Variants in C4orf50 observed in about 807,000 individuals in gnomAD.
C4orf50 encodes chromosome 4 open reading frame 50, also known as uncharacterized protein C4orf50.
In C4orf50, 80 loss-of-function variants were observed where a neutral mutation model predicts 77.2. The observed-to-expected ratio is 1.04, with a 90% confidence interval of 0.87 to 1.25. The LOEUF (loss-of-function observed/expected upper bound fraction) is 1.25. Among genes scored for constraint, C4orf50 ranks in the 50% most tolerant of loss-of-function variants. The pLI is 0.00. For missense variants in C4orf50, 1,257 were observed against 1,152.9 expected (o/e 1.09, Z -1.31); for synonymous variants, 532 against 465.3 (o/e 1.14, Z -1.84).
At chr4:5,997,752 T>C (rs1721657117) in intron 25 of C4orf50, among the ~76,000 whole-genome samples, 1 of 152,280 alleles carries the variant, frequency 6.6e-6, no homozygotes, top group African/African-American at 2.4e-5. Flanking sequence ...CATTTTCCTA[T>C]GCATAGACAT....
Position 5,936,372 on chromosome 4 carries a change from G to A in C4orf50, c.*2474+20529C>T, listed in dbSNP as rs540957678. On this transcript the variant is annotated intron_variant, in intron 7 of 7. Coordinates refer to the C4orf50 transcript ENST00000324058. ...AAGTCAGGAGTTGGAGACCAGCCTG[G>A]TCAACATGGTGAAACCCTGTCTCTA... Among the ~76,000 whole-genome samples the A allele has an allele frequency of 2.6e-5, 4 of 152,190 alleles. No individual in the cohort carries two copies. The South Asian group carries it at 8.3e-4, about 32-fold the overall frequency.
chr4:5,921,428 G>A (rs546849390), intron 7 of C4orf50, among the ~76,000 whole-genome samples: 1 of 152,350 alleles, frequency 6.6e-6, no homozygotes, highest in Admixed American at 6.5e-5. Flanking sequence ...TGCATATGTA[G>A]ACGGTGGCAC....
chr4:5,947,879 G>A (rs1448187918), intron 7 of C4orf50, among the ~76,000 whole-genome samples: 1 of 152,192 alleles, frequency 6.6e-6, no homozygotes, highest in Non-Finnish European at 1.5e-5. Context: ...AGTGGGAGCT[G>A]TCAGCCCAGC....
At chr4:6,016,721 G>A (rs775710350) in intron 23 of C4orf50, among the ~76,000 whole-genome samples, 3 of 152,086 alleles carry the variant, frequency 2.0e-5, no homozygotes, top group Non-Finnish European at 2.9e-5. Flanking sequence ...GGGTAAGTGC[G>A]TTGCAGAATG....
At position 5,900,540 on chromosome 4, in the gene C4orf50, A is replaced by T. The variant is rs1716300075; in HGVS notation, c.*2475-2352T>A. On this transcript the variant is annotated intron_variant, in intron 7 of 7. Coordinates refer to the C4orf50 transcript ENST00000324058. This position sits in a 1 kb window ranked among gnomAD's most constrained non-coding sequence, Gnocchi z 4.3. ...AAATGAAAGAATTCCTTAAACTAAC[A>T]TCTATCACTAGATGATGCCATATAG... The T allele has an allele frequency of 6.6e-6, 1 of 152,242 alleles. No individual in the cohort carries two copies. Among genetic ancestry groups the T allele is most frequent in the Non-Finnish European group, 1.5e-5 (1 of 68,046 alleles). 9.4% of individuals were successfully genotyped at this position (152,242 alleles called of 1,614,324 possible).
Position 5,900,081 on chromosome 4 carries a change from G to A in C4orf50, c.*2475-1893C>T, listed in dbSNP as rs1716279716. ...AATGTCTCGCACCCTATTCTCAGAA[G>A]TTGGCTGAGTTCTCAGAAGGTTTCA... On this transcript the variant is annotated intron_variant, in intron 7 of 7. Coordinates refer to the C4orf50 transcript ENST00000324058. This position sits in a 1 kb window ranked among gnomAD's most constrained non-coding sequence, Gnocchi z 4.3. 1 of 152,190 alleles carries A rather than the reference G, an allele frequency of 6.6e-6. No homozygotes were observed. Among genetic ancestry groups the A allele is most frequent in the Admixed American group, 6.5e-5 (1 of 15,282 alleles). The allele number at this position is 152,190 out of a possible 1,614,324, so 9.4% of individuals were successfully genotyped here. A position where few individuals can be genotyped will look rare whatever the true frequency, so the allele number is the denominator to read the frequency against.
chr4:5,937,359 A>T (rs971297982), intron 7 of C4orf50, among the ~76,000 whole-genome samples: 3 of 152,196 alleles, frequency 2.0e-5, no homozygotes, highest in African/African-American at 7.2e-5. Flanking sequence ...CAAGCCAAGA[A>T]TGCACTTTGA....
At position 5,967,465 on chromosome 4, in the gene C4orf50, G is replaced by A. The variant is rs757949415; in HGVS notation, c.4105-3C>T. ...TTGACGTCCAGGTGGTGGCTTGTCTGCAAGAAAAGACATCTTGGCGGTTAT... is the reference window on the plus strand; with the variant it reads ...TTGACGTCCAGGTGGTGGCTTGTCTACAAGAAAAGACATCTTGGCGGTTAT... On this transcript the variant is annotated splice_polypyrimidine_tract_variant and splice_region_variant and intron_variant, in intron 31 of 33. Transcript: ENST00000531445. 3.7e-6 allele frequency: 6 copies of A among 1,613,478 alleles called. 1 individual carries two copies. The highest frequency in any genetic ancestry group is 5.1e-6 in the Non-Finnish European group (6 of 1,179,554).
exon 28 of C4orf50, chr4:5,988,734 G>A (rs1205067890): frequency 6.5e-7 from 1 of 1,536,098 alleles, no homozygotes; most frequent in East Asian, 2.4e-5. Flanking sequence ...TCCTCTGCAA[G>A]GTGACTTCCC....
chr4:5,950,775 G>C (rs1376992085), intron 7 of C4orf50, among the ~76,000 whole-genome samples: 2 of 152,156 alleles, frequency 1.3e-5, no homozygotes, highest in African/African-American at 4.8e-5. Flanking sequence ...TCTGTGTGTA[G>C]CCTTTCTCTT....
intron 29 of C4orf50, among the ~76,000 whole-genome samples, chr4:5,977,944 A>C (rs1381603924): frequency 1.3e-5 from 2 of 152,252 alleles, no homozygotes; most frequent in Admixed American, 1.3e-4. Flanking sequence ...TCTATCTAGA[A>C]CATAAAAGGA....
At chr4:6,004,084 T>TG (rs1281297454) in intron 25 of C4orf50, among the ~76,000 whole-genome samples, 1 of 41,330 alleles carries the variant, frequency 2.4e-5, no homozygotes, top group African/African-American at 9.6e-5. Context: ...GATGATGTGA[T>TG]AGTGATGATG....
chr4:5,956,252 C>T (rs1718951456), downstream of C4orf50, among the ~76,000 whole-genome samples: 1 of 152,160 alleles, frequency 6.6e-6, no homozygotes, highest in South Asian at 2.1e-4. Flanking sequence ...GGCTTTTGCT[C>T]ATGATTTCTC....
chr4:5,922,536 C>T (rs909726747), intron 7 of C4orf50, among the ~76,000 whole-genome samples: 2 of 152,092 alleles, frequency 1.3e-5, no homozygotes, highest in African/African-American at 4.8e-5. Context: ...GAATTGGACC[C>T]ACGGGAAGGG....
intron 7 of C4orf50, among the ~76,000 whole-genome samples, chr4:5,909,011 C>A (rs1256834309): frequency 6.6e-6 from 1 of 152,166 alleles, no homozygotes; most frequent in Non-Finnish European, 1.5e-5. Flanking sequence ...AGGCTCCCTG[C>A]CTCAGGCTGT....
rs1028326304 is a variant in C4orf50, at chr4:5,969,805, A to G, written c.4105-2343T>C. 3.9e-5 allele frequency among the ~76,000 whole-genome samples: 6 copies of G among 152,134 alleles called. No homozygotes were observed. The East Asian group carries it at 5.8e-4, about 15-fold the overall frequency. On this transcript the variant is annotated intron_variant, in intron 31 of 33. Coordinates refer to ENST00000531445, the Ensembl canonical transcript of C4orf50. ...ACATGGGTCATTATTTAGAATCAGG[A>G]TGTCATCATCTGCAGGTGAATCTCC...
At position 5,921,188 on chromosome 4, in the gene C4orf50, G is replaced by A. The variant is rs190104506; in HGVS notation, c.*2475-23000C>T. 1.1e-3 allele frequency among the ~76,000 whole-genome samples: 169 copies of A among 152,330 alleles called. 1 individual carries two copies. Among genetic ancestry groups the A allele is most frequent in the Middle Eastern group, 3.4e-3 (1 of 294 alleles). On this transcript the variant is annotated intron_variant, in intron 7 of 7. Coordinates refer to the C4orf50 transcript ENST00000324058. ...GGATCCCAGGGGATGACAGGTGTCC[G>A]GCGGGGATGTGCGGTTGCCTGTGAT...
intron 7 of C4orf50, chr4:5,904,699 A>C (rs1716474748): frequency 6.6e-6 from 1 of 152,150 alleles, no homozygotes; most frequent in South Asian, 2.1e-4. Context: ...CTTATTTGCA[A>C]ATCTGATGAA....
exon 28 of C4orf50, chr4:5,988,373 G>C: frequency 6.2e-7 from 1 of 1,614,054 alleles, no homozygotes. Context: ...AGGGAGCTCA[G>C]AGCTTGCCCC....
Sources: allele counts gnomAD v4.1 joint callset (sites outside exome capture counted in the v4.1 genomes callset), GRCh38; gene constraint gnomAD v4.1.1; non-coding constraint Gnocchi (gnomAD v3.1); transcripts MANE v1.5; gene names NCBI Gene and HGNC (gene_info 2026-07-23, HGNC 2026-07-21).